The following FLT3 variants were observed in gnomAD, a reference collection of about 807,000 sequenced individuals.
FLT3 encodes fms related receptor tyrosine kinase 3.
Under a neutral mutation model 126.6 loss-of-function variants are expected in FLT3, and 46 were observed. That is an observed-to-expected ratio of 0.36 (90% confidence interval 0.29 to 0.46). The LOEUF is 0.46. Ranked by LOEUF, FLT3 falls within the 20% of genes least tolerant of loss-of-function variation. The probability of loss-of-function intolerance (pLI) is 1.00; values close to 1 mark genes in which losing one functional copy is unlikely to be tolerated. For synonymous variants in FLT3, 404 were observed against 434.4 expected (o/e 0.93, Z 0.87); for missense variants, 1,069 against 1,190.3 (o/e 0.90, Z 1.50).
intron 9 of FLT3, among the ~76,000 whole-genome samples, chr13:28,040,376 TA>T (rs1231568979): frequency 1.3e-5 from 2 of 152,002 alleles, no homozygotes; most frequent in Non-Finnish European, 2.9e-5. Context: ...TGGCAGGGGC[TA>T]GATTGGATAC....
At chr13:28,089,343 A>C (rs1365806285) in intron 1 of FLT3, among the ~76,000 whole-genome samples, 1 of 152,216 alleles carries the variant, frequency 6.6e-6, no homozygotes, top group Admixed American at 6.6e-5. Flanking sequence ...GCAGCAATAC[A>C]ATACCACTCT....
chr13:28,006,306 TTG>T (rs4002773), intron 23 of FLT3, among the ~76,000 whole-genome samples: 4,864 of 146,874 alleles, frequency 0.033, 122 homozygotes, highest in African/African-American at 0.072. Context: ...TTCTAGAAAA[TTG>T]TGTGTGTGTG....
At chr13:28,010,754 C>G (rs1294890991) in intron 23 of FLT3, among the ~76,000 whole-genome samples, 1 of 152,318 alleles carries the variant, frequency 6.6e-6, no homozygotes, top group East Asian at 1.9e-4. Context: ...TGCCTGTAAT[C>G]CCCCCACCTT....
chr13:28,049,829 C>T (rs1272540436), intron 6 of FLT3, 55 bp from the exon 7 acceptor site: 3 of 1,559,468 alleles, frequency 1.9e-6, no homozygotes, highest in Admixed American at 3.6e-5. Flanking sequence ...TGCCTCATCA[C>T]AAAAGATATC....
rs138038071 is a variant in FLT3, at chr13:28,090,825, T to C, written c.43+9643A>G. Among the ~76,000 whole-genome samples, 563 of 152,204 alleles carry C rather than the reference T, an allele frequency of 3.7e-3. 1 individual carries two copies. Among genetic ancestry groups the C allele is most frequent in the African/African-American group, 0.013 (541 of 41,520 alleles). ...CAAAGCCAAAGGAAATTTGCCACCA[T>C]CAATATTAAGGTTCTTTCCAAAAAT... On this transcript the variant is annotated intron_variant, in intron 1 of 23. Coordinates refer to ENST00000241453, the MANE Select transcript of FLT3 (RefSeq NM_004119.3).
chr13:28,048,283 G>T lies in FLT3; in HGVS notation c.1197C>A (p.Asn399Lys). 1 of 1,612,922 alleles carries T rather than the reference G, an allele frequency of 6.2e-7. No homozygotes were observed. Among genetic ancestry groups the T allele is most frequent in the South Asian group, 1.1e-5 (1 of 90,830 alleles). The part of the protein sequence containing the change: ...SFPCEQKGLD[N>K]GYSISKFCNH... The stretch of plus-strand genomic sequence containing the variant: ...GTCCTTTGTGGTCTCACCTGTATCC[G>T]TTATCAAGACCCTTTTGCTCACAAG... Residue 399 changes from asparagine to lysine, a missense_variant, in exon 9 of 24, where the codon AAC becomes AAA. Asn to Lys is a moderately conservative substitution (Grantham distance 94). Transcript: ENST00000241453.
rs551806068 is a variant in FLT3, at chr13:28,098,240, G to T, written c.43+2228C>A. Among the ~76,000 whole-genome samples the T allele has an allele frequency of 3.2e-3, 482 of 150,988 alleles. 3 individuals are homozygous for T. Among genetic ancestry groups the T allele is most frequent in the African/African-American group, 0.012 (471 of 40,946 alleles). ...TGAGGCAGGAGAATCGCTTGAACCT[G>T]GGAGGCGGAGGTTGCAGTGAGCTGA... On this transcript the variant is annotated intron_variant, in intron 1 of 23. Coordinates refer to ENST00000241453, the MANE Select transcript of FLT3 (RefSeq NM_004119.3).
At chr13:28,047,837 G>A (rs899003709) in intron 9 of FLT3, among the ~76,000 whole-genome samples, 2 of 151,936 alleles carry the variant, frequency 1.3e-5, no homozygotes, top group African/African-American at 4.8e-5. Flanking sequence ...CTTACTATTG[G>A]GCTATTTCTG....
chr13:28,060,330 G>A (rs995542004), intron 3 of FLT3, among the ~76,000 whole-genome samples: 44 of 150,968 alleles, frequency 2.9e-4, no homozygotes, highest in Non-Finnish European at 5.0e-4. Context: ...GCTGAGGCAC[G>A]AGAATTGCTT....
chr13:28,093,068 T>C (rs12016790), intron 1 of FLT3, among the ~76,000 whole-genome samples: 52,299 of 151,374 alleles, frequency 0.35, 10,647 homozygotes, highest in African/African-American at 0.57. Context: ...ACTACAGACA[T>C]GTGCCAGCAC....
At chr13:28,019,818 C>G (rs1302050364) in intron 19 of FLT3, among the ~76,000 whole-genome samples, 1 of 152,190 alleles carries the variant, frequency 6.6e-6, no homozygotes, top group African/African-American at 2.4e-5. Context: ...GCATGGTTCA[C>G]TCCTGCTTTC....
intron 16 of FLT3, among the ~76,000 whole-genome samples, chr13:28,027,901 CCAAATGTACTTG>C (rs1872953230): frequency 6.6e-6 from 1 of 152,224 alleles, no homozygotes; most frequent in Non-Finnish European, 1.5e-5. Context: ...ACAGACACCA[CCAAATGTACTTG>C]CAATGTTGTT....
chr13:28,048,568 G>A (rs920581379), intron 8 of FLT3, 125 bp from the exon 9 acceptor site: 1 of 671,526 alleles, frequency 1.5e-6, no homozygotes, highest in African/African-American at 1.8e-5. Context: ...GCATGCTGCA[G>A]GTCAGGTTGG....
chr13:28,032,821 A>G (rs939802019), intron 15 of FLT3, among the ~76,000 whole-genome samples: 13 of 152,234 alleles, frequency 8.5e-5, no homozygotes, highest in Admixed American at 8.5e-4. Flanking sequence ...CAACAGCATC[A>G]ATTCATGCTG....
chr13:28,063,437 G>A (rs548710718), intron 2 of FLT3, among the ~76,000 whole-genome samples: 4 of 152,234 alleles, frequency 2.6e-5, no homozygotes, highest in Non-Finnish European at 4.4e-5. Context: ...CCTAGATCCC[G>A]CCAATGCACT....
At position 28,062,054 on chromosome 13, in the gene FLT3, C is replaced by T; in HGVS notation, c.181G>A (p.Glu61Lys). 6.2e-7 allele frequency: 1 copy of T among 1,612,076 alleles called. No homozygotes were observed. Among genetic ancestry groups the T allele is most frequent in the Non-Finnish European group, 8.5e-7 (1 of 1,179,836 alleles). ...SSYPMVSESP[E>K]DLGCALRPQS... ...GGTCTCAACGCACACCCGAGGTCTT[C>T]CGGGGATTCTGATACCTACGTTGCA... The change falls in exon 3 of 24, where the codon GAA becomes AAA. Residue 61 changes from glutamate (E) to lysine (K), a missense_variant. Coordinates refer to ENST00000241453, the MANE Select transcript of FLT3 (RefSeq NM_004119.3).
chr13:28,069,541 G>A (rs1207662189), intron 2 of FLT3, among the ~76,000 whole-genome samples: 1 of 152,108 alleles, frequency 6.6e-6, no homozygotes, highest in African/African-American at 2.4e-5. Context: ...GAGGGATTCA[G>A]GCTTGGAAGA....
intron 6 of FLT3, 52 bp from the exon 7 acceptor site, chr13:28,049,826 T>A (rs774047080): frequency 2.5e-6 from 4 of 1,570,046 alleles, no homozygotes; most frequent in Admixed American, 3.6e-5. Flanking sequence ...TTTTGCCTCA[T>A]CACAAAAGAT....
At chr13:28,091,267 G>A (rs969547920) in intron 1 of FLT3, among the ~76,000 whole-genome samples, 2 of 119,776 alleles carry the variant, frequency 1.7e-5, no homozygotes, top group Non-Finnish European at 3.2e-5. Context: ...TGTCGCCCAG[G>A]CTGGAGTGCA....
Sources: gnomAD v4.1 joint callset for allele counts (sites outside exome capture counted in the v4.1 genomes callset) on GRCh38, gnomAD v4.1.1 for gene constraint, MANE v1.5 for transcripts, NCBI Gene and HGNC (gene_info 2026-07-23, HGNC 2026-07-21) for gene names.